KDSR: variants seen among roughly 807,000 people sequenced by gnomAD.
KDSR encodes the protein 3-dehydrosphinganine reductase.
In KDSR, 23 loss-of-function variants were observed where a neutral mutation model predicts 41.3. The ratio of observed to expected loss-of-function variants is 0.56; its 90% CI spans 0.40 to 0.79. The LOEUF is 0.79. Ranked by LOEUF, KDSR falls within the 30% of genes least tolerant of loss-of-function variation. The pLI is 0.00. For synonymous variants in KDSR, 138 were observed against 151.7 expected (o/e 0.91, Z 0.66); for missense variants, 351 against 416.8 (o/e 0.84, Z 1.37).
At chr18:63,337,724 C>T (rs1026441164) in intron 8 of KDSR, among the ~76,000 whole-genome samples, 1 of 152,098 alleles carries the variant, frequency 6.6e-6, no homozygotes, top group Non-Finnish European at 1.5e-5. Flanking sequence ...ATCAGGAGTT[C>T]GAGACCAGCC....
intron 6 of KDSR, among the ~76,000 whole-genome samples, chr18:63,347,115 G>A (rs1364300737): frequency 1.3e-5 from 2 of 151,950 alleles, no homozygotes. Flanking sequence ...CATTCTCTGT[G>A]CCCCCGACTC....
intron 6 of KDSR, among the ~76,000 whole-genome samples, chr18:63,347,246 G>C (rs769548211): frequency 2.6e-5 from 4 of 152,078 alleles, no homozygotes; most frequent in Non-Finnish European, 5.9e-5. Flanking sequence ...GCTCACATAT[G>C]TAATCCCAGC....
chr18:63,333,042 C>A (rs1021306042), intron 9 of KDSR, among the ~76,000 whole-genome samples: 1 of 151,638 alleles, frequency 6.6e-6, no homozygotes. Context: ...TGGAAAGGTA[C>A]GTGGGGTAGG....
At chr18:63,363,776 G>A (rs1915059060) in intron 1 of KDSR, among the ~76,000 whole-genome samples, 1 of 152,204 alleles carries the variant, frequency 6.6e-6, no homozygotes, top group African/African-American at 2.4e-5. Flanking sequence ...ATCCTGAAAA[G>A]TAAAGCTCTT....
At position 63,329,002 on chromosome 18, in the gene KDSR, T is replaced by C. The variant is rs1424473143; in HGVS notation, c.*2780A>G. On this transcript the variant is annotated 3_prime_UTR_variant, in exon 10 of 10. Transcript: ENST00000645214. ...TCTGGGTCCAATAGAAGGTGTTGAA[T>C]CAATGTGATCCTTTAAAAACAAAGT... 1 of 196,520 alleles carries C rather than the reference T, an allele frequency of 5.1e-6. No individual in the cohort carries two copies. The highest frequency in any genetic ancestry group is 2.3e-5 in the African/African-American group (1 of 43,288). 12.2% of individuals were successfully genotyped at this position (196,520 alleles called of 1,614,324 possible). A position where few individuals can be genotyped will look rare whatever the true frequency, so the allele number is the denominator to read the frequency against.
intron 6 of KDSR, among the ~76,000 whole-genome samples, chr18:63,349,452 T>G (rs1402538961): frequency 6.6e-6 from 1 of 152,250 alleles, no homozygotes; most frequent in Non-Finnish European, 1.5e-5. Flanking sequence ...AGTTAAAAAC[T>G]TCAAAAGAAA....
intron 7 of KDSR, among the ~76,000 whole-genome samples, chr18:63,339,199 T>G (rs2144352951): frequency 6.6e-6 from 1 of 151,780 alleles, no homozygotes; most frequent in East Asian, 2.1e-4. Flanking sequence ...AAGACCCCCT[T>G]TGACTCCTCA....
chr18:63,339,934 G>A (rs1285036684), intron 7 of KDSR, among the ~76,000 whole-genome samples: 1 of 152,172 alleles, frequency 6.6e-6, no homozygotes, highest in Non-Finnish European at 1.5e-5. Flanking sequence ...AAATAGGAAA[G>A]TAAAGTATTT....
intron 6 of KDSR, 125 bp from the exon 7 acceptor site, chr18:63,344,618 C>T (rs185181305): frequency 2.5e-4 from 158 of 627,404 alleles, no homozygotes; most frequent in African/African-American, 2.3e-3. Flanking sequence ...TTCTGTTAGG[C>T]GGGGAACTAC....
At chr18:63,335,402 G>A (rs1914124764) in intron 8 of KDSR, 44 bp from the exon 9 acceptor site, 1 of 1,338,256 alleles carries the variant, frequency 7.5e-7, no homozygotes, top group Non-Finnish European at 1.1e-6. Context: ...TCCTAGTAAT[G>A]TGGACAGAAA....
At chr18:63,365,762 C>T (rs1289664187) in intron 1 of KDSR, among the ~76,000 whole-genome samples, 2 of 152,170 alleles carry the variant, frequency 1.3e-5, no homozygotes, top group African/African-American at 2.4e-5. Context: ...AGTTCTCTTG[C>T]GGATGTAAAA....
intron 4 of KDSR, 94 bp from the exon 5 acceptor site, chr18:63,355,393 T>C: frequency 6.2e-7 from 1 of 1,605,416 alleles, no homozygotes; most frequent in Admixed American, 1.7e-5. Context: ...ACAAAACTAT[T>C]AAACCTATAG....
At chr18:63,351,558 A>G (rs766478854) in intron 5 of KDSR, among the ~76,000 whole-genome samples, 6 of 152,198 alleles carry the variant, frequency 3.9e-5, no homozygotes, top group Admixed American at 1.3e-4. Flanking sequence ...ATGATGAATA[A>G]GAAAGTCAGA....
chr18:63,356,189 G>A (rs543320739), intron 3 of KDSR, among the ~76,000 whole-genome samples: 6 of 152,274 alleles, frequency 3.9e-5, no homozygotes, highest in African/African-American at 1.4e-4. Context: ...TTTGAGGTCA[G>A]GAGTTTGAGA....
chr18:63,343,121 A>C (rs1914393084), intron 7 of KDSR, among the ~76,000 whole-genome samples: 1 of 152,196 alleles, frequency 6.6e-6, no homozygotes, highest in Non-Finnish European at 1.5e-5. Flanking sequence ...AACCTCTTTT[A>C]CGTGTAAATT....
intron 7 of KDSR, among the ~76,000 whole-genome samples, chr18:63,342,385 T>A (rs1914368204): frequency 6.6e-6 from 1 of 152,078 alleles, no homozygotes; most frequent in Non-Finnish European, 1.5e-5. Context: ...AGACAAGTCC[T>A]GACACCACCG....
At position 63,343,714 on chromosome 18, in the gene KDSR, G is replaced by A. The variant is rs115563915; in HGVS notation, c.693+696C>T. 5.1e-3 allele frequency among the ~76,000 whole-genome samples: 772 copies of A among 150,318 alleles called. 2 individuals are homozygous for A. The highest frequency in any genetic ancestry group is 0.018 in the African/African-American group (719 of 40,774). ...CCTGGTCTTAAATTTTATCTTCCACGGTAGAAAGTCAATAAATAATTTCTA... is the reference window on the plus strand; with the variant it reads ...CCTGGTCTTAAATTTTATCTTCCACAGTAGAAAGTCAATAAATAATTTCTA... On this transcript the variant is annotated intron_variant, in intron 7 of 9. Coordinates refer to ENST00000645214, the MANE Select transcript of KDSR (RefSeq NM_002035.4).
chr18:63,361,002 AT>A (rs1430238339), intron 2 of KDSR, among the ~76,000 whole-genome samples: 107 of 20,500 alleles, frequency 5.2e-3, no homozygotes, highest in African/African-American at 0.014. Flanking sequence ...TAAAAAAAAA[AT>A]ATATATATAT....
At chr18:63,364,571 G>A (rs1409897120) in intron 1 of KDSR, among the ~76,000 whole-genome samples, 6 of 152,034 alleles carry the variant, frequency 3.9e-5, no homozygotes, top group Non-Finnish European at 7.3e-5. Context: ...AGACACCCAA[G>A]TAGTGGGGAT....
Sources: allele counts gnomAD v4.1 joint callset (sites outside exome capture counted in the v4.1 genomes callset), GRCh38; gene constraint gnomAD v4.1.1; transcripts MANE v1.5; gene names NCBI Gene and HGNC (gene_info 2026-07-23, HGNC 2026-07-21).